TRAPPC9: variants seen among roughly 807,000 people sequenced by gnomAD.
The protein encoded by TRAPPC9 is trafficking protein particle complex subunit 9.
Under a neutral mutation model 124.0 loss-of-function variants are expected in TRAPPC9, and 83 were observed. That is an observed-to-expected ratio of 0.67 (90% CI 0.56 to 0.80). The LOEUF is 0.80. TRAPPC9 is among the 30% of genes least tolerant of loss of function. The pLI is 0.00. For missense variants in TRAPPC9, 1,302 were observed against 1,508.3 expected (o/e 0.86, Z 2.27); for synonymous variants, 638 against 617.5 (o/e 1.03, Z -0.49).
intron 19 of TRAPPC9, among the ~76,000 whole-genome samples, chr8:139,988,082 C>A (rs369198289): frequency 6.6e-6 from 1 of 151,030 alleles, no homozygotes; most frequent in Non-Finnish European, 1.5e-5. Flanking sequence ...CAGACTGATG[C>A]CAAATATTTC....
At chr8:139,845,750 T>C (rs1551756) in intron 21 of TRAPPC9, among the ~76,000 whole-genome samples, 43,810 of 152,096 alleles carry the variant, frequency 0.29, 6,755 homozygotes, top group East Asian at 0.65. Flanking sequence ...TGTCTGCCTC[T>C]CGATTTTAAT....
chr8:140,191,848 G>A (rs2062498166), intron 17 of TRAPPC9, among the ~76,000 whole-genome samples: 2 of 152,180 alleles, frequency 1.3e-5, no homozygotes, highest in South Asian at 4.1e-4. Context: ...CCATAGCACA[G>A]TGGAAGGAGC....
At chr8:139,837,766 A>G (rs1426820650) in intron 21 of TRAPPC9, among the ~76,000 whole-genome samples, 2 of 151,892 alleles carry the variant, frequency 1.3e-5, no homozygotes, top group East Asian at 3.9e-4. Flanking sequence ...AGATGCCAGG[A>G]GCCCCTCGGC....
intron 21 of TRAPPC9, among the ~76,000 whole-genome samples, chr8:139,803,738 G>C (rs1014081300): frequency 6.6e-6 from 1 of 152,200 alleles, no homozygotes; most frequent in African/African-American, 2.4e-5. Context: ...CGGAGTCACT[G>C]GAAGGCAGGG....
At chr8:139,918,507 C>T (rs1200613437) in intron 19 of TRAPPC9, among the ~76,000 whole-genome samples, 2 of 152,228 alleles carry the variant, frequency 1.3e-5, no homozygotes, top group Admixed American at 1.3e-4. Flanking sequence ...GTCACCAGAG[C>T]GTGAGCAAAC....
rs1393864091 is a variant in TRAPPC9 at position 139,925,823 on chromosome 8, A to G, written c.2811-15523T>C. On this transcript the variant is annotated intron_variant, in intron 19 of 22. Transcript: ENST00000438773. ...ACCCAGCACACGCACACGCACACGC[A>G]CACGCACACACACACACACACACGT... Among the ~76,000 whole-genome samples the G allele has an allele frequency of 7.9e-4, 30 of 37,876 alleles. 2 individuals are homozygous for G. The highest frequency in any genetic ancestry group is 4.2e-3 in the African/African-American group (29 of 6,924). 24.8% of individuals were successfully genotyped at this position (37,876 alleles called of 152,430 possible). A position where few individuals can be genotyped will look rare whatever the true frequency, so the allele number is the denominator to read the frequency against.
intron 8 of TRAPPC9, among the ~76,000 whole-genome samples, chr8:140,369,187 G>A (rs763117598): frequency 1.8e-4 from 27 of 152,234 alleles, no homozygotes; most frequent in Non-Finnish European, 3.1e-4. Flanking sequence ...TCTATCAAAT[G>A]TAAGTGTTGC....
At chr8:139,787,567 C>T (rs1227846907) in intron 21 of TRAPPC9, among the ~76,000 whole-genome samples, 1 of 152,122 alleles carries the variant, frequency 6.6e-6, no homozygotes, top group Non-Finnish European at 1.5e-5. Context: ...AAGGCCTCAC[C>T]GAAAGCTTAA....
intron 19 of TRAPPC9, chr8:139,916,597 TA>T (rs1563919912): frequency 6.6e-6 from 1 of 152,258 alleles, no homozygotes; most frequent in East Asian, 1.9e-4. Flanking sequence ...ACGGCAGAGT[TA>T]AATAAAATTA....
intron 19 of TRAPPC9, among the ~76,000 whole-genome samples, chr8:139,921,955 G>A (rs1832535649): frequency 6.6e-6 from 1 of 151,752 alleles, no homozygotes; most frequent in South Asian, 2.1e-4. Context: ...ATCCAGGGGT[G>A]TGCACACCTG....
chr8:139,938,678 G>A (rs367683589), intron 19 of TRAPPC9, among the ~76,000 whole-genome samples: 6 of 149,692 alleles, frequency 4.0e-5, no homozygotes, highest in South Asian at 4.3e-4. Context: ...TCGCTCTGTC[G>A]CCCAGGCCGG....
At chr8:140,273,497 G>A (rs2065022077) in intron 15 of TRAPPC9, among the ~76,000 whole-genome samples, 1 of 152,198 alleles carries the variant, frequency 6.6e-6, no homozygotes, top group South Asian at 2.1e-4. Flanking sequence ...TATTGAAAAT[G>A]CAGGTGAGGC....
intron 15 of TRAPPC9, among the ~76,000 whole-genome samples, chr8:140,272,135 G>A (rs796496406): frequency 0.014 from 1,996 of 143,240 alleles, 22 homozygotes; most frequent in African/African-American, 0.034. Flanking sequence ...GGTGGCGATG[G>A]TGATGGTGAT....
intron 17 of TRAPPC9, among the ~76,000 whole-genome samples, chr8:140,113,002 G>A (rs1172611200): frequency 1.3e-5 from 2 of 152,028 alleles, no homozygotes; most frequent in Non-Finnish European, 2.9e-5. Context: ...ACTGCAGCCA[G>A]CCTAAATTCC....
intron 17 of TRAPPC9, among the ~76,000 whole-genome samples, chr8:140,035,330 G>A (rs149977467): frequency 3.9e-5 from 6 of 152,212 alleles, no homozygotes; most frequent in African/African-American, 1.2e-4. Context: ...TCAGACTTCC[G>A]GCTTATAGAA....
intron 17 of TRAPPC9, among the ~76,000 whole-genome samples, chr8:140,080,972 GC>G (rs1244449950): frequency 6.6e-6 from 1 of 152,184 alleles, no homozygotes; most frequent in Non-Finnish European, 1.5e-5. Flanking sequence ...TGTTGCCATA[GC>G]CCATGGTGTC....
At chr8:140,351,747 G>A (rs1368160233) in intron 9 of TRAPPC9, among the ~76,000 whole-genome samples, 1 of 152,202 alleles carries the variant, frequency 6.6e-6, no homozygotes, top group African/African-American at 2.4e-5. Flanking sequence ...AATGCCCCCT[G>A]CCAATACTCA....
chr8:140,163,541 A>G (rs1029004965), intron 17 of TRAPPC9, among the ~76,000 whole-genome samples: 2 of 152,168 alleles, frequency 1.3e-5, no homozygotes, highest in African/African-American at 2.4e-5. Flanking sequence ...TGAATGAATG[A>G]CTTTGGTGGG....
chr8:139,970,186 G>A (rs1326515549), intron 19 of TRAPPC9, among the ~76,000 whole-genome samples: 2 of 152,158 alleles, frequency 1.3e-5, no homozygotes, highest in East Asian at 1.9e-4. Context: ...AGGCGCCAGC[G>A]ATGCCCAAAG....
Sources: allele counts gnomAD v4.1 joint callset (sites outside exome capture counted in the v4.1 genomes callset), GRCh38; gene constraint gnomAD v4.1.1; transcripts MANE v1.5; gene names NCBI Gene and HGNC (gene_info 2026-07-23, HGNC 2026-07-21).